The following ASIC2 variants were observed in gnomAD, a reference collection of about 807,000 sequenced individuals.
ASIC2 encodes acid-sensing ion channel 2.
ASIC2 carries 25 observed loss-of-function variants against 57.3 expected under a neutral mutation model. That is an observed-to-expected ratio of 0.44 (90% CI 0.32 to 0.61). ASIC2 has a LOEUF of 0.61. ASIC2 is among the 20% of genes least tolerant of loss of function. The probability of loss-of-function intolerance (pLI) is 0.06; values close to 1 mark genes in which losing one functional copy is unlikely to be tolerated. For missense variants in ASIC2, 641 were observed against 738.1 expected (o/e 0.87, Z 1.52); for synonymous variants, 319 against 307.5 (o/e 1.04, Z -0.39).
intron 1 of ASIC2, among the ~76,000 whole-genome samples, chr17:33,811,214 C>T (rs1026064315): frequency 6.6e-6 from 1 of 152,210 alleles, no homozygotes; most frequent in African/African-American, 2.4e-5. Flanking sequence ...CCTGCTCCAG[C>T]CCTCCTTCTC....
intron 1 of ASIC2, among the ~76,000 whole-genome samples, chr17:33,978,241 C>T (rs1463238082): frequency 6.6e-6 from 1 of 152,162 alleles, no homozygotes; most frequent in Non-Finnish European, 1.5e-5. Flanking sequence ...GCCTCATTTG[C>T]CTAAGTTTTT....
chr17:34,007,555 C>A (rs376053450), intron 1 of ASIC2, among the ~76,000 whole-genome samples: 28 of 152,276 alleles, frequency 1.8e-4, no homozygotes, highest in Admixed American at 1.3e-3. Flanking sequence ...TCAACCTTAA[C>A]AGAGGAGGTA....
intron 1 of ASIC2, among the ~76,000 whole-genome samples, chr17:33,362,574 G>A (rs1228305089): frequency 6.6e-6 from 1 of 152,188 alleles, no homozygotes; most frequent in East Asian, 1.9e-4. Context: ...ATTTAACTGG[G>A]GAGTGTCAGT....
At chr17:34,059,909 C>A (rs1908910006) in intron 1 of ASIC2, among the ~76,000 whole-genome samples, 1 of 152,198 alleles carries the variant, frequency 6.6e-6, no homozygotes, top group Non-Finnish European at 1.5e-5. Context: ...TCCCTACCCA[C>A]CCTGGTAGCA....
chr17:33,648,533 C>T (rs2142037781), intron 1 of ASIC2, among the ~76,000 whole-genome samples: 1 of 152,326 alleles, frequency 6.6e-6, no homozygotes, highest in South Asian at 2.1e-4. Context: ...CTGCAAACGC[C>T]TTATGTGGGC....
intron 1 of ASIC2, among the ~76,000 whole-genome samples, chr17:34,088,086 A>G (rs1365528617): frequency 3.3e-5 from 5 of 152,194 alleles, no homozygotes; most frequent in Non-Finnish European, 5.9e-5. Flanking sequence ...CTGGTGAGGA[A>G]CTGCGTTCCT....
intron 1 of ASIC2, among the ~76,000 whole-genome samples, chr17:33,400,402 T>C (rs529236375): frequency 7.2e-5 from 11 of 152,172 alleles, no homozygotes; most frequent in Non-Finnish European, 1.3e-4. Context: ...GAAGTGAGCT[T>C]AGAGGACAGT....
intron 1 of ASIC2, among the ~76,000 whole-genome samples, chr17:33,508,897 G>C (rs1348729370): frequency 6.6e-6 from 1 of 152,160 alleles, no homozygotes; most frequent in African/African-American, 2.4e-5. Context: ...TACTTCTGAG[G>C]AGTTTTGGAC....
intron 1 of ASIC2, among the ~76,000 whole-genome samples, chr17:34,098,864 G>A (rs991553516): frequency 6.6e-6 from 1 of 151,974 alleles, no homozygotes; most frequent in African/African-American, 2.4e-5. Flanking sequence ...AAACTCTAAG[G>A]GTTCTCAGTT....
At chr17:33,523,570 C>T (rs1365238229) in intron 1 of ASIC2, among the ~76,000 whole-genome samples, 1 of 152,186 alleles carries the variant, frequency 6.6e-6, no homozygotes, top group Non-Finnish European at 1.5e-5. Context: ...GATCATAAAA[C>T]CTCCTGCAGA....
Position 33,651,844 on chromosome 17 carries a change from G to C in ASIC2, c.555+504134C>G, listed in dbSNP as rs530642426. Reference sequence around the variant, plus strand: ...CAATCAGACATCAGAGAAATAAAAAGGATGTGACAAAAGAGAGTGAGGTGG... The same window carrying C: ...CAATCAGACATCAGAGAAATAAAAACGATGTGACAAAAGAGAGTGAGGTGG... On this transcript the variant is annotated intron_variant, in intron 1 of 9. Transcript: ENST00000359872. 2.6e-5 allele frequency among the ~76,000 whole-genome samples: 4 copies of C among 152,322 alleles called. No homozygotes were observed. In the South Asian group the frequency reaches 8.3e-4, roughly 32 times the overall value.
Position 33,715,429 on chromosome 17 carries a change from TA to T in ASIC2, c.555+440548del, listed in dbSNP as rs554655316. On this transcript the variant is annotated intron_variant, in intron 1 of 9. Transcript: ENST00000359872. Reference sequence around the variant, plus strand: ...CCACTTGTGTGCCCATGGGCAGGATTAGGATGCCCTGGCCGCTGAGACAAGC... The same window carrying T: ...CCACTTGTGTGCCCATGGGCAGGATTGGATGCCCTGGCCGCTGAGACAAGC... Among the ~76,000 whole-genome samples, 523 of 152,312 alleles carry T rather than the reference TA, an allele frequency of 3.4e-3. 2 individuals are homozygous for T. The highest frequency in any genetic ancestry group is 0.012 in the African/African-American group (498 of 41,562).
intron 1 of ASIC2, among the ~76,000 whole-genome samples, chr17:33,437,147 G>A (rs1911653129): frequency 6.6e-6 from 1 of 151,738 alleles, no homozygotes; most frequent in Admixed American, 6.6e-5. Context: ...TTACAGGCGT[G>A]AGCCACCGCG....
chr17:34,088,082 AG>A (rs1224745344), intron 1 of ASIC2, among the ~76,000 whole-genome samples: 2 of 152,190 alleles, frequency 1.3e-5, no homozygotes, highest in African/African-American at 4.8e-5. Flanking sequence ...ATTGCTGGTG[AG>A]GAACTGCGTT....
At chr17:33,554,775 G>A (rs1915854077) in intron 1 of ASIC2, among the ~76,000 whole-genome samples, 1 of 152,106 alleles carries the variant, frequency 6.6e-6, no homozygotes, top group African/African-American at 2.4e-5. Context: ...GAGGCTGGCC[G>A]GGGACTGAGC....
chr17:33,622,147 A>T (rs1167263260), intron 1 of ASIC2, among the ~76,000 whole-genome samples: 1 of 151,936 alleles, frequency 6.6e-6, no homozygotes, highest in African/African-American at 2.4e-5. Context: ...TCTGAGATAA[A>T]AGGACAAGCA....
intron 1 of ASIC2, among the ~76,000 whole-genome samples, chr17:34,110,564 T>G (rs965552821): frequency 3.3e-5 from 5 of 152,118 alleles, no homozygotes; most frequent in Non-Finnish European, 5.9e-5. Flanking sequence ...GAGGGAGGGC[T>G]CAGCTGCCCA....
At chr17:33,700,881 C>T (rs1199735209) in intron 1 of ASIC2, among the ~76,000 whole-genome samples, 1 of 152,110 alleles carries the variant, frequency 6.6e-6, no homozygotes, top group Admixed American at 6.5e-5. Flanking sequence ...CCCCAAATGA[C>T]CATGAGAAAA....
At chr17:33,471,839 C>A (rs760412790) in intron 1 of ASIC2, among the ~76,000 whole-genome samples, 4 of 151,948 alleles carry the variant, frequency 2.6e-5, no homozygotes, top group Non-Finnish European at 4.4e-5. Flanking sequence ...GTATGCCAAC[C>A]ACTGTGTTAA....
Sources: gnomAD v4.1 joint callset for allele counts (sites outside exome capture counted in the v4.1 genomes callset) on GRCh38, gnomAD v4.1.1 for gene constraint, MANE v1.5 for transcripts, NCBI Gene and HGNC (gene_info 2026-07-23, HGNC 2026-07-21) for gene names.